Variants in PRKG1 observed in about 807,000 individuals in gnomAD.
PRKG1 encodes protein kinase cGMP-dependent 1.
Under a neutral mutation model 88.1 loss-of-function variants are expected in PRKG1, and 35 were observed. The observed-to-expected ratio is 0.40, with a 90% CI of 0.30 to 0.53. The LOEUF (loss-of-function observed/expected upper bound fraction) is 0.53. Among genes scored for constraint, PRKG1 ranks in the 20% least tolerant of loss-of-function variants. PRKG1 has a pLI of 0.59. For missense variants in PRKG1, 540 were observed against 839.8 expected, an observed-to-expected ratio of 0.64 and a Z score of 4.41; for synonymous variants, 303 against 292.5, an observed-to-expected ratio of 1.04 and a Z score of -0.37.
rs538800344 is a variant in PRKG1 at position 51,570,639 on chromosome 10, C to A, written c.592+102803C>A. Among the ~76,000 whole-genome samples the A allele has an allele frequency of 1.6e-4, 25 of 151,666 alleles. No individual in the cohort carries two copies. In the South Asian group the frequency reaches 1.7e-3, roughly 10 times the overall value. On this transcript the variant is annotated intron_variant, in intron 3 of 17. Coordinates refer to ENST00000373980, the MANE Select transcript of PRKG1 (RefSeq NM_006258.4). Reference sequence around the variant, plus strand: ...TGCTGATGGAAATTATATACTTAAACCATTGTTATTTTGACCTGTCGAATT... The same window carrying A: ...TGCTGATGGAAATTATATACTTAAAACATTGTTATTTTGACCTGTCGAATT...
chr10:52,104,457 G>A (rs1452225325), intron 7 of PRKG1, among the ~76,000 whole-genome samples: 1 of 151,846 alleles, frequency 6.6e-6, no homozygotes, highest in Non-Finnish European at 1.5e-5. Context: ...TTTATCTGGT[G>A]AAATGACAGT....
chr10:51,475,290 C>A (rs2132832291), intron 3 of PRKG1, among the ~76,000 whole-genome samples: 1 of 152,060 alleles, frequency 6.6e-6, no homozygotes, highest in South Asian at 2.1e-4. Flanking sequence ...GTCCCTGGAA[C>A]AGCAGCATCA....
At chr10:52,138,482 A>G (rs1837487735) in intron 8 of PRKG1, among the ~76,000 whole-genome samples, 1 of 152,112 alleles carries the variant, frequency 6.6e-6, no homozygotes, top group South Asian at 2.1e-4. Context: ...CTCCTAAAGG[A>G]TCCAGTGGTC....
At chr10:52,041,425 C>T (rs1273971519) in intron 5 of PRKG1, among the ~76,000 whole-genome samples, 7 of 152,050 alleles carry the variant, frequency 4.6e-5, no homozygotes, top group Admixed American at 2.6e-4. Context: ...GAATGTTGGC[C>T]TATAGTTTGT....
chr10:52,014,522 T>C (rs1476354940), intron 5 of PRKG1, among the ~76,000 whole-genome samples: 3 of 152,178 alleles, frequency 2.0e-5, no homozygotes, highest in African/African-American at 4.8e-5. Flanking sequence ...AGCCAAACCA[T>C]ATCATTCTGC....
At chr10:52,038,422 G>A (rs1252142823) in intron 5 of PRKG1, among the ~76,000 whole-genome samples, 3 of 151,808 alleles carry the variant, frequency 2.0e-5, no homozygotes, top group African/African-American at 4.8e-5. Context: ...ATAAGGGGTC[G>A]AGCATGGAAA....
intron 5 of PRKG1, among the ~76,000 whole-genome samples, chr10:51,920,077 C>T (rs555343042): frequency 6.6e-6 from 1 of 152,154 alleles, no homozygotes. Context: ...AGCATGCCTT[C>T]TGAAATACAA....
intron 5 of PRKG1, among the ~76,000 whole-genome samples, chr10:51,948,666 G>A (rs1291994470): frequency 6.6e-6 from 1 of 152,084 alleles, no homozygotes. Flanking sequence ...TTACTTCTCT[G>A]AGTTGTCAAA....
At chr10:52,292,880 T>C (rs1444285309) in intron 17 of PRKG1, among the ~76,000 whole-genome samples, 4 of 152,036 alleles carry the variant, frequency 2.6e-5, no homozygotes, top group Non-Finnish European at 5.9e-5. Context: ...TCACCACTCC[T>C]ATTCAACATA....
chr10:51,117,986 T>A (rs1845168267), intron 1 of PRKG1, among the ~76,000 whole-genome samples: 1 of 152,204 alleles, frequency 6.6e-6, no homozygotes, highest in African/African-American at 2.4e-5. Context: ...GGCAGTGATG[T>A]CTTTATCACT....
chr10:51,640,039 C>A (rs541465535), intron 3 of PRKG1, among the ~76,000 whole-genome samples: 31 of 152,282 alleles, frequency 2.0e-4, no homozygotes, highest in African/African-American at 7.0e-4. Context: ...AGAGGTAATG[C>A]ACCAAAAGCA....
intron 1 of PRKG1, among the ~76,000 whole-genome samples, chr10:51,026,400 A>G (rs184054338): frequency 2.6e-5 from 4 of 152,276 alleles, no homozygotes; most frequent in African/African-American, 2.4e-5. Context: ...AACCTCTTAC[A>G]TTAGCTAGAG....
chr10:52,030,749 G>A lies in PRKG1; in HGVS notation c.763-23735G>A, dbSNP rs117975708. Among the ~76,000 whole-genome samples the A allele has an allele frequency of 1.5e-4, 23 of 152,230 alleles. No individual in the cohort carries two copies. The East Asian group carries it at 4.4e-3, about 29-fold the overall frequency. On this transcript the variant is annotated intron_variant, in intron 5 of 17. Transcript: ENST00000373980. ...ATCAATCACTGATGTGAATAATAAT[G>A]ACTCCAGGTCAATTTGAAAAAGTTA...
rs1383294971 is a variant in PRKG1, at chr10:52,271,345, T to C, written c.1174-5T>C. 3.1e-6 allele frequency: 5 copies of C among 1,611,268 alleles called. No individual in the cohort carries two copies. The highest frequency in any genetic ancestry group is 2.5e-6 in the Non-Finnish European group (3 of 1,178,126). On this transcript the variant is annotated splice_region_variant and splice_polypyrimidine_tract_variant and intron_variant, in intron 10 of 17. Transcript: ENST00000373980. Reference sequence around the variant, plus strand: ...TTTTCTTACTCTCTTCTCTCTTTCTTTAAGGTCCAGTTGAAAAGTGAAGAA... The same window carrying C: ...TTTTCTTACTCTCTTCTCTCTTTCTCTAAGGTCCAGTTGAAAAGTGAAGAA...
chr10:50,991,514 G>A lies in PRKG1; in HGVS notation c.136G>A (p.Val46Met), dbSNP rs1840857745. ...GAGGAAACTCCACAAATGCCAGTCGGTGCTCCCAGTGCCCTCGACCCACAT... is the reference window on the plus strand; with the variant it reads ...GAGGAAACTCCACAAATGCCAGTCGATGCTCCCAGTGCCCTCGACCCACAT... The change falls in exon 1 of 18, where the codon GTG becomes ATG. Residue 46 changes from valine (V) to methionine (M), a missense_variant. Coordinates refer to the PRKG1 transcript ENST00000401604. This position sits in a 1 kb window ranked among gnomAD's most constrained non-coding sequence, Gnocchi z 4.5. The A allele has an allele frequency of 6.2e-7, 1 of 1,611,486 alleles. No individual in the cohort carries two copies. The highest frequency in any genetic ancestry group is 1.3e-5 in the African/African-American group (1 of 74,924).
At chr10:51,475,204 C>T (rs1004005363) in intron 3 of PRKG1, among the ~76,000 whole-genome samples, 1 of 151,978 alleles carries the variant, frequency 6.6e-6, no homozygotes, top group Non-Finnish European at 1.5e-5. Context: ...TCTTAATATG[C>T]CTACTACCCA....
intron 2 of PRKG1, among the ~76,000 whole-genome samples, chr10:51,374,543 T>C (rs1348020337): frequency 6.6e-6 from 1 of 152,114 alleles, no homozygotes; most frequent in Non-Finnish European, 1.5e-5. Flanking sequence ...TTAGGTGCCC[T>C]TCTAAAGGGG....
intron 2 of PRKG1, among the ~76,000 whole-genome samples, chr10:51,211,638 G>A (rs1005997488): frequency 5.3e-5 from 8 of 152,110 alleles, no homozygotes; most frequent in Non-Finnish European, 8.8e-5. Context: ...CAAAATCAAT[G>A]TACAAAAATC....
At position 51,016,673 on chromosome 10, in the gene PRKG1, C is replaced by CTTTTTTTTT. The variant is rs71029341; in HGVS notation, c.266+25040_266+25048dup. ...AGTGAAGAAGGTATTATTATCCTTT[C>CTTTTTTTTT]TTTTTTTTTTTTTTTTTTTGGAATC... is the stretch of plus-strand genomic sequence containing the variant. On this transcript the variant is annotated intron_variant, in intron 1 of 17. Transcript: ENST00000401604. Among the ~76,000 whole-genome samples the CTTTTTTTTT allele has an allele frequency of 2.8e-3, 100 of 35,178 alleles. 24 individuals are homozygous for CTTTTTTTTT. The highest frequency in any genetic ancestry group is 0.011 in the East Asian group (14 of 1,246). The allele number at this position is 35,178 out of a possible 152,430, so 23.1% of individuals were successfully genotyped here.
Sources: gnomAD v4.1 joint callset for allele counts (sites outside exome capture counted in the v4.1 genomes callset) on GRCh38, gnomAD v4.1.1 for gene constraint, Gnocchi (gnomAD v3.1) non-coding constraint, MANE v1.5 for transcripts, NCBI Gene and HGNC (gene_info 2026-07-23, HGNC 2026-07-21) for gene names.